The following FSAF1 variants were observed in gnomAD, a reference collection of about 807,000 sequenced individuals.
FSAF1 encodes uncharacterized protein C1orf131.
At chr1:231,229,875 T>C in the FSAF1 span, among the ~76,000 whole-genome samples, 3 of 152,138 alleles carry the variant, frequency 2.0e-5, no homozygotes, top group African/African-American at 7.2e-5. Flanking sequence ...GTATAGAGCA[T>C]CAGCATCGGT....
chr1:231,238,204 A>G, the FSAF1 span: 3 of 152,346 alleles, frequency 2.0e-5, no homozygotes, highest in African/African-American at 7.2e-5. Context: ...AATTAAAAAC[A>G]TTTGGAGGAG....
chr1:231,224,551 C>G, the FSAF1 span: 2 of 788,628 alleles, frequency 2.5e-6, no homozygotes, highest in South Asian at 4.0e-5. Context: ...CCCCATACGC[C>G]TTCCTGTGGT....
the FSAF1 span, chr1:231,225,758 G>A: frequency 7.5e-6 from 4 of 530,574 alleles, no homozygotes; most frequent in South Asian, 2.3e-5. Context: ...GGAAGCCAAG[G>A]GGGGAGGATC....
chr1:231,232,242 A>T, the FSAF1 span, among the ~76,000 whole-genome samples: 1 of 152,164 alleles, frequency 6.6e-6, no homozygotes, highest in East Asian at 1.9e-4. Flanking sequence ...AGGAGGCATT[A>T]CTGCCCATAG....
At chr1:231,225,591 G>A in the FSAF1 span, 10 of 1,400,608 alleles carry the variant, frequency 7.1e-6, no homozygotes, top group African/African-American at 9.9e-5. Flanking sequence ...AAAGGCAAGA[G>A]GTTTGTGACC....
At chr1:231,224,250 C>T in the FSAF1 span, 11 of 1,597,228 alleles carry the variant, frequency 6.9e-6, no homozygotes, top group South Asian at 1.1e-4. Context: ...CTCAGTTGTT[C>T]CCATCCTCGT....
chr1:231,235,072 C>T, the FSAF1 span, among the ~76,000 whole-genome samples: 1 of 152,190 alleles, frequency 6.6e-6, no homozygotes, highest in African/African-American at 2.4e-5. Context: ...AGGCAAAGCA[C>T]TATTATCTTC....
chr1:231,224,071 T>C, the FSAF1 span: 2 of 469,008 alleles, frequency 4.3e-6, no homozygotes, highest in East Asian at 6.9e-5. Context: ...TCACTTCACA[T>C]TCATGCTGCA....
At chr1:231,239,855 G>A in the FSAF1 span, among the ~76,000 whole-genome samples, 1 of 152,162 alleles carries the variant, frequency 6.6e-6, no homozygotes, top group African/African-American at 2.4e-5. Flanking sequence ...TGGCATTAAG[G>A]ATATAAAAAT....
chr1:231,224,342 A>AT, the FSAF1 span: 1 of 1,613,842 alleles, frequency 6.2e-7, no homozygotes, highest in Non-Finnish European at 8.5e-7. Context: ...TCAGTGTTCC[A>AT]TTTTTGAATT....
At chr1:231,226,639 C>A in the FSAF1 span, 14 of 1,065,102 alleles carry the variant, frequency 1.3e-5, no homozygotes, top group Middle Eastern at 2.0e-4. Flanking sequence ...AACTCTGGTG[C>A]CTTCATTGCT....
the FSAF1 span, chr1:231,229,216 G>GA: frequency 1.6e-5 from 25 of 1,556,626 alleles, no homozygotes; most frequent in Middle Eastern, 1.7e-4. Flanking sequence ...CCTGCTGAGA[G>GA]AAAAAATTCT....
chr1:231,232,387 G>A, the FSAF1 span, among the ~76,000 whole-genome samples: 4 of 152,180 alleles, frequency 2.6e-5, no homozygotes, highest in Non-Finnish European at 5.9e-5. Flanking sequence ...CTACTTCCAC[G>A]TGGACCCCTT....
the FSAF1 span, among the ~76,000 whole-genome samples, chr1:231,234,323 A>G: frequency 1.3e-5 from 2 of 152,216 alleles, no homozygotes; most frequent in African/African-American, 2.4e-5. This position sits in a 1 kb window ranked among gnomAD's most constrained non-coding sequence, Gnocchi z 4.0. Context: ...AGATGGCCCA[A>G]TGCTAGCTGT....
chr1:231,240,477 ATT>A, the FSAF1 span, among the ~76,000 whole-genome samples: 1 of 151,774 alleles, frequency 6.6e-6, no homozygotes, highest in African/African-American at 2.4e-5. This position sits in a 1 kb window ranked among gnomAD's most constrained non-coding sequence, Gnocchi z 4.1. Flanking sequence ...AGGCTCTTTT[ATT>A]TTCCTTTTCC....
At chr1:231,228,733 T>C in the FSAF1 span, among the ~76,000 whole-genome samples, 1 of 152,166 alleles carries the variant, frequency 6.6e-6, no homozygotes, top group Non-Finnish European at 1.5e-5. Context: ...ACACCTGTAA[T>C]CCCAGCACTC....
chr1:231,228,930 A>C, the FSAF1 span, among the ~76,000 whole-genome samples: 1 of 152,210 alleles, frequency 6.6e-6, no homozygotes, highest in African/African-American at 2.4e-5. Flanking sequence ...CAGAGGTTGC[A>C]GTGATCTGAG....
the FSAF1 span, among the ~76,000 whole-genome samples, chr1:231,230,912 A>G: frequency 3.3e-5 from 5 of 152,294 alleles, no homozygotes; most frequent in East Asian, 9.7e-4. Flanking sequence ...CTTATTCCTA[A>G]TGGATCTACT....
At chr1:231,241,075 G>A in the FSAF1 span, 6 of 1,614,192 alleles carry the variant, frequency 3.7e-6, no homozygotes, top group Non-Finnish European at 5.1e-6. Flanking sequence ...GGAGAACTGG[G>A]AGGCGTGGAG....
Sources: allele counts gnomAD v4.1 joint callset (sites outside exome capture counted in the v4.1 genomes callset), GRCh38; gene constraint gnomAD v4.1.1; non-coding constraint Gnocchi (gnomAD v3.1); transcripts MANE v1.5; gene names NCBI Gene and HGNC (gene_info 2026-07-23, HGNC 2026-07-21).